The following STPG1 variants were observed in gnomAD, a reference collection of about 807,000 sequenced individuals.
The protein encoded by STPG1 is sperm tail PG-rich repeat containing 1.
Under a neutral mutation model 40.1 loss-of-function variants are expected in STPG1, and 33 were observed. The observed-to-expected ratio is 0.82, with a 90% CI of 0.62 to 1.10. The LOEUF is 1.10. Ranked by LOEUF, STPG1 falls within the 50% of genes least tolerant of loss-of-function variation. The pLI, the probability that STPG1 is intolerant of heterozygous loss-of-function variation, is 0.00. For synonymous variants in STPG1, 150 were observed against 155.0 expected (o/e 0.97, Z 0.24); for missense variants, 396 against 415.1 (o/e 0.95, Z 0.40).
intron 1 of STPG1, among the ~76,000 whole-genome samples, chr1:24,408,352 G>A (rs150661761): frequency 9.4e-4 from 143 of 152,314 alleles, no homozygotes; most frequent in Non-Finnish European, 1.6e-4. Context: ...CTTTTGATGG[G>A]TATTTCCCCA....
In STPG1 at chr1:24,391,839, T is replaced by A. The variant is rs373120395; in HGVS notation, c.71-160A>T. 9 of 1,192,432 alleles carry A rather than the reference T, an allele frequency of 7.5e-6. No individual in the cohort carries two copies. The Admixed American group carries it at 1.5e-4, about 20-fold the overall frequency. 73.9% of individuals were successfully genotyped at this position (1,192,432 alleles called of 1,614,324 possible). ...ACACGAAACCGGATTAAAAAAAAAA[T>A]TCCCCACTTTCTTTCCCTCTCGGCA... is the stretch of plus-strand genomic sequence containing the variant. On this transcript the variant is annotated intron_variant, in intron 2 of 8. Transcript: ENST00000337248.
chr1:24,377,146 A>C (rs1322467115), intron 5 of STPG1, among the ~76,000 whole-genome samples: 1 of 151,926 alleles, frequency 6.6e-6, no homozygotes. Flanking sequence ...ATGTGCCTGT[A>C]ATCCCAGCTG....
intron 1 of STPG1, among the ~76,000 whole-genome samples, chr1:24,405,929 T>TAAATATATATATATA (rs1643398619): frequency 3.9e-5 from 6 of 152,128 alleles, no homozygotes; most frequent in Admixed American, 2.6e-4. Flanking sequence ...AATTATTGAG[T>TAAATATATATATATA]TTTCTTCACA....
intron 1 of STPG1, among the ~76,000 whole-genome samples, chr1:24,409,031 C>T (rs1429176372): frequency 6.6e-6 from 1 of 152,122 alleles, no homozygotes; most frequent in Non-Finnish European, 1.5e-5. Context: ...GATCAAAGCA[C>T]AATCACCAAT....
intron 4 of STPG1, among the ~76,000 whole-genome samples, chr1:24,381,064 T>G (rs1642261804): frequency 6.6e-6 from 1 of 152,126 alleles, no homozygotes; most frequent in South Asian, 2.1e-4. Context: ...TGATTATCTC[T>G]ACTTTACAGA....
chr1:24,387,917 G>T (rs1044302264), intron 3 of STPG1, among the ~76,000 whole-genome samples: 5 of 152,116 alleles, frequency 3.3e-5, no homozygotes, highest in Non-Finnish European at 1.5e-5. Flanking sequence ...AACATCCCTG[G>T]TCTAGTGTCA....
chr1:24,395,387 G>A (rs1459501377), intron 2 of STPG1, among the ~76,000 whole-genome samples: 2 of 145,698 alleles, frequency 1.4e-5, no homozygotes, highest in East Asian at 3.9e-4. Context: ...GTAAATATGT[G>A]GGTAAATAGA....
chr1:24,393,808 C>T (rs1322176360), intron 2 of STPG1, among the ~76,000 whole-genome samples: 1 of 152,310 alleles, frequency 6.6e-6, no homozygotes, highest in East Asian at 1.9e-4. Context: ...CAACAAAGGA[C>T]AGGGATCCCT....
chr1:24,384,065 G>A, intron 3 of STPG1, 62 bp from the exon 4 acceptor site: 1 of 1,043,926 alleles, frequency 9.6e-7, no homozygotes, highest in South Asian at 1.3e-5. Flanking sequence ...TTTTCCACAG[G>A]CTTTACATCC....
rs1363113802 is a variant in STPG1 at position 24,379,835 on chromosome 1, C to T, written c.292-12G>A. 1 of 1,611,558 alleles carries T rather than the reference C, an allele frequency of 6.2e-7. No individual in the cohort carries two copies. Among genetic ancestry groups the T allele is most frequent in the East Asian group, 2.2e-5 (1 of 44,834 alleles). The stretch of plus-strand genomic sequence containing the variant: ...TCCAATCGGGCGCACTGTAAGGAGA[C>T]AACCAAAGGAATCAGCATTGTCACA... On this transcript the variant is annotated splice_polypyrimidine_tract_variant and intron_variant, in intron 4 of 8. Transcript: ENST00000337248.
rs1261842877 is a variant in STPG1 at position 24,373,709 on chromosome 1, A to G, written c.564T>C (p.Pro188=). The G allele has an allele frequency of 3.7e-6, 6 of 1,607,118 alleles. No homozygotes were observed. The highest frequency in any genetic ancestry group is 5.1e-6 in the Non-Finnish European group (6 of 1,174,008). Reference sequence around the variant, plus strand: ...TGCAAAGCAGCTGCTTACCTGGGGGAGGTCCTTTATCAGCAAAAGCGAAAG... The same window carrying G: ...TGCAAAGCAGCTGCTTACCTGGGGGGGGTCCTTTATCAGCAAAAGCGAAAG... ...RGSFAFADKG[P]PPGHYDINES... The change falls in exon 6 of 9, where the codon CCT becomes CCC. Residue 188 remains proline (P), a synonymous_variant. Transcript: ENST00000337248.
intron 3 of STPG1, among the ~76,000 whole-genome samples, chr1:24,386,791 T>C (rs2148701483): frequency 6.6e-6 from 1 of 152,342 alleles, no homozygotes; most frequent in African/African-American, 2.4e-5. Context: ...GTGACTGGTG[T>C]GAACTTAGCC....
chr1:24,407,232 C>T (rs1019061958), intron 1 of STPG1, among the ~76,000 whole-genome samples: 2 of 152,108 alleles, frequency 1.3e-5, no homozygotes, highest in Non-Finnish European at 2.9e-5. Flanking sequence ...AATCTGTAGG[C>T]TACAGTTTTC....
rs151107618 is a variant in STPG1, at chr1:24,359,407, T to C, written c.929-788A>G. Among the ~76,000 whole-genome samples, 117 of 152,268 alleles carry C rather than the reference T, an allele frequency of 7.7e-4. No homozygotes were observed. The highest frequency in any genetic ancestry group is 2.7e-3 in the African/African-American group (111 of 41,546). ...CCTACCCTCTCTGGAGCTCACCCCT[T>C]GTATGGAGCATTTGCATGTTTGCAA... On this transcript the variant is annotated intron_variant, in intron 8 of 8. Coordinates refer to ENST00000337248, the MANE Select transcript of STPG1 (RefSeq NM_001199013.2). The surrounding 1 kb of genome is among the most constrained non-coding windows in gnomAD (Gnocchi z 5.3).
intron 6 of STPG1, among the ~76,000 whole-genome samples, chr1:24,371,954 G>A (rs1641767576): frequency 6.6e-6 from 1 of 152,186 alleles, no homozygotes; most frequent in South Asian, 2.1e-4. Context: ...GAGGCAGACG[G>A]ATCACTTGAG....
intron 6 of STPG1, among the ~76,000 whole-genome samples, chr1:24,372,109 C>T (rs1178523051): frequency 2.0e-5 from 3 of 152,086 alleles, no homozygotes; most frequent in Non-Finnish European, 4.4e-5. Flanking sequence ...ACCCGGGGGG[C>T]GGAGGTTGCG....
In STPG1 at chr1:24,391,635, A is replaced by G; in HGVS notation, c.115T>C (p.Ser39Pro). Residue 39 changes from serine to proline, a missense_variant, in exon 3 of 9, where the codon TCT (serine) becomes CCT (proline). Transcript: ENST00000337248. The stretch of plus-strand genomic sequence containing the variant: ...GATTCTGGGATTACTGAAGCTTGAG[A>G]TTTAAAAGGAATGGAGGATTGTGTT... ...YPTQSSIPFK[S>P]QASVIPESEK... 2 of 1,550,152 alleles carry G rather than the reference A, an allele frequency of 1.3e-6. No homozygotes were observed. The highest frequency in any genetic ancestry group is 1.7e-6 in the Non-Finnish European group (2 of 1,146,618).
At chr1:24,371,842 G>A (rs1641762865) in intron 6 of STPG1, among the ~76,000 whole-genome samples, 1 of 152,166 alleles carries the variant, frequency 6.6e-6, no homozygotes, top group Non-Finnish European at 1.5e-5. Flanking sequence ...TGGAGGGTGA[G>A]CTGAAGGTAC....
rs370441112 is a variant in STPG1, at chr1:24,383,914, C to T, written c.279G>A (p.Met93Ile). Residue 93 changes from methionine (M) to isoleucine (I), a missense_variant, in exon 4 of 9, where the codon ATG becomes ATA. Met to Ile is a conservative substitution (Grantham distance 10). Transcript: ENST00000337248. ...SVSLSKKGTC[M>I]FPSMCARLDT... Reference sequence around the variant, plus strand: ...AAGTGGTTCTCACCATTGAGGGAAACATGCAAGTTCCTTTCTTGGACAATG... The same window carrying T: ...AAGTGGTTCTCACCATTGAGGGAAATATGCAAGTTCCTTTCTTGGACAATG... 4.4e-5 allele frequency: 71 copies of T among 1,611,156 alleles called. No homozygotes were observed. The highest frequency in any genetic ancestry group is 3.8e-4 in the South Asian group (35 of 91,030).
Sources: gnomAD v4.1 joint callset for allele counts (sites outside exome capture counted in the v4.1 genomes callset) on GRCh38, gnomAD v4.1.1 for gene constraint, Gnocchi (gnomAD v3.1) non-coding constraint, MANE v1.5 for transcripts, NCBI Gene and HGNC (gene_info 2026-07-23, HGNC 2026-07-21) for gene names.